The following TEAD1 variants were observed in gnomAD, a reference collection of about 807,000 sequenced individuals.
TEAD1 encodes the protein transcriptional enhancer factor TEF-1.
In TEAD1, 9 loss-of-function variants were observed where a neutral mutation model predicts 54.9. The observed-to-expected ratio is 0.16, with a 90% CI of 0.10 to 0.29. The LOEUF (loss-of-function observed/expected upper bound fraction) is 0.29, where lower values mean the gene tolerates loss of function less well. TEAD1 is among the 10% of genes least tolerant of loss of function. The pLI, the probability that TEAD1 is intolerant of heterozygous loss-of-function variation, is 1.00. For missense variants in TEAD1, 387 were observed against 535.9 expected (o/e 0.72, Z 2.74); for synonymous variants, 200 against 187.8 (o/e 1.07, Z -0.53).
chr11:12,695,882 C>T (rs553771670), intron 2 of TEAD1, among the ~76,000 whole-genome samples: 25 of 152,254 alleles, frequency 1.6e-4, no homozygotes, highest in South Asian at 2.1e-4. Context: ...GCATTCATGC[C>T]GTCCAAGACC....
chr11:12,888,690 A>G (rs1948138711), intron 9 of TEAD1, among the ~76,000 whole-genome samples: 2 of 152,220 alleles, frequency 1.3e-5, no homozygotes, highest in South Asian at 4.1e-4. Context: ...CACTCCTAGC[A>G]ATAGTGATGG....
chr11:12,684,028 T>C (rs1943280045), intron 2 of TEAD1, among the ~76,000 whole-genome samples: 1 of 152,186 alleles, frequency 6.6e-6, no homozygotes, highest in African/African-American at 2.4e-5. Context: ...TCATGTTGCA[T>C]AATAGATCTT....
At chr11:12,923,784 G>A (rs34331903) in intron 10 of TEAD1, among the ~76,000 whole-genome samples, 39,787 of 152,102 alleles carry the variant, frequency 0.26, 5,536 homozygotes, top group East Asian at 0.4. Context: ...TTATAGCAGC[G>A]TTAACCCATA....
chr11:12,903,430 G>A (rs185853550), intron 10 of TEAD1, among the ~76,000 whole-genome samples: 4 of 152,268 alleles, frequency 2.6e-5, no homozygotes, highest in Non-Finnish European at 4.4e-5. Flanking sequence ...TAGATTCCTT[G>A]GAAGGAAATT....
At position 12,719,279 on chromosome 11, in the gene TEAD1, T is replaced by G. The variant is rs564448301; in HGVS notation, c.-55+43718T>G. Among the ~76,000 whole-genome samples, 4 of 152,280 alleles carry G rather than the reference T, an allele frequency of 2.6e-5. No individual in the cohort carries two copies. In the South Asian group the frequency reaches 6.2e-4, roughly 24 times the overall value. On this transcript the variant is annotated intron_variant, in intron 2 of 12. Transcript: ENST00000527636. Reference sequence around the variant, plus strand: ...CTAGTGGATGAGGGACTGTGGTGGCTGCATCCTGTGGAAATGATTGCGTCC... The same window carrying G: ...CTAGTGGATGAGGGACTGTGGTGGCGGCATCCTGTGGAAATGATTGCGTCC...
intron 2 of TEAD1, among the ~76,000 whole-genome samples, chr11:12,752,824 T>C (rs1257968550): frequency 6.7e-6 from 1 of 149,838 alleles, no homozygotes; most frequent in Non-Finnish European, 1.5e-5. Context: ...CTGTATACCA[T>C]TCTATTTTAT....
intron 3 of TEAD1, among the ~76,000 whole-genome samples, chr11:12,787,928 C>G (rs1282109210): frequency 2.7e-5 from 4 of 150,882 alleles, no homozygotes; most frequent in African/African-American, 9.7e-5. Flanking sequence ...TGAAATGATA[C>G]TCTGGTTTCT....
chr11:12,689,528 G>A (rs752305878), intron 2 of TEAD1, among the ~76,000 whole-genome samples: 9 of 152,142 alleles, frequency 5.9e-5, no homozygotes, highest in Admixed American at 1.3e-4. Flanking sequence ...GTGCTGACTC[G>A]CGGAGAAGTG....
chr11:12,838,298 A>G (rs892192935), intron 3 of TEAD1, among the ~76,000 whole-genome samples: 2 of 152,154 alleles, frequency 1.3e-5, no homozygotes, highest in Admixed American at 6.5e-5. Context: ...CTTGGGTAAT[A>G]ATGCTTAATG....
chr11:12,897,404 TC>T (rs1948333468), intron 9 of TEAD1, among the ~76,000 whole-genome samples: 1 of 152,230 alleles, frequency 6.6e-6, no homozygotes, highest in African/African-American at 2.4e-5. Context: ...ACAGATTTCT[TC>T]CTTTCAGCCT....
chr11:12,793,396 A>G (rs1945846503), intron 3 of TEAD1, among the ~76,000 whole-genome samples: 1 of 152,180 alleles, frequency 6.6e-6, no homozygotes, highest in Admixed American at 6.5e-5. Context: ...AGTGCTGGAT[A>G]TTTAGGTTTT....
intron 3 of TEAD1, among the ~76,000 whole-genome samples, chr11:12,785,620 T>C (rs111703519): frequency 1.9e-3 from 294 of 152,330 alleles, no homozygotes; most frequent in African/African-American, 6.3e-3. Context: ...CAGGTGATAT[T>C]CCCTCATCCC....
At chr11:12,881,198 G>A (rs1947958631) in intron 7 of TEAD1, 147 bp downstream of exon 7, 1 of 884,236 alleles carries the variant, frequency 1.1e-6, no homozygotes, top group South Asian at 1.6e-5. Flanking sequence ...TTTTTATTGT[G>A]TACTTAGGCC....
chr11:12,748,025 G>C (rs898062854), intron 2 of TEAD1, among the ~76,000 whole-genome samples: 13 of 151,258 alleles, frequency 8.6e-5, no homozygotes, highest in Non-Finnish European at 1.8e-4. Flanking sequence ...GCAGTGGCGC[G>C]ATCCTGGCTC....
Position 12,836,414 on chromosome 11 carries a change from C to T in TEAD1, c.203-25836C>T, listed in dbSNP as rs546860077. Reference sequence around the variant, plus strand: ...TAGCCTGGGTGACAGAGCGAGACTCCGTCTCAAAAAAAAAAAAAAAAATTG... The same window carrying T: ...TAGCCTGGGTGACAGAGCGAGACTCTGTCTCAAAAAAAAAAAAAAAAATTG... On this transcript the variant is annotated intron_variant, in intron 3 of 12. Transcript: ENST00000527636. Among the ~76,000 whole-genome samples, 10 of 105,414 alleles carry T rather than the reference C, an allele frequency of 9.5e-5. No homozygotes were observed. In the South Asian group the frequency reaches 1.7e-3, roughly 17 times the overall value. The allele number at this position is 105,414 out of a possible 152,430, so 69.2% of individuals were successfully genotyped here.
intron 3 of TEAD1, among the ~76,000 whole-genome samples, chr11:12,857,578 C>CTA (rs1343843895): frequency 6.9e-6 from 1 of 145,750 alleles, no homozygotes; most frequent in Non-Finnish European, 1.5e-5. Flanking sequence ...CTCTCTGTCT[C>CTA]TGTGTGTGTG....
chr11:12,795,962 G>A (rs977509953), intron 3 of TEAD1, among the ~76,000 whole-genome samples: 1 of 152,204 alleles, frequency 6.6e-6, no homozygotes, highest in Non-Finnish European at 1.5e-5. Flanking sequence ...CTGATTCACA[G>A]TATAAGTTGA....
chr11:12,703,367 G>C (rs1476755870), intron 2 of TEAD1, among the ~76,000 whole-genome samples: 3 of 152,292 alleles, frequency 2.0e-5, no homozygotes, highest in South Asian at 4.1e-4. Flanking sequence ...TGCTCGGTAC[G>C]TGGAGATATT....
At chr11:12,893,138 A>G (rs1214791043) in intron 9 of TEAD1, among the ~76,000 whole-genome samples, 1 of 152,238 alleles carries the variant, frequency 6.6e-6, no homozygotes, top group African/African-American at 2.4e-5. Context: ...ATGCTTCGGA[A>G]TAAGTGGTCG....
Sources: allele counts gnomAD v4.1 joint callset (sites outside exome capture counted in the v4.1 genomes callset), GRCh38; gene constraint gnomAD v4.1.1; transcripts MANE v1.5; gene names NCBI Gene and HGNC (gene_info 2026-07-23, HGNC 2026-07-21).